The following HERC1 variants were observed in gnomAD, a reference collection of about 807,000 sequenced individuals.
The protein encoded by HERC1 is probable E3 ubiquitin-protein ligase HERC1.
In HERC1, 160 loss-of-function variants were observed where a neutral mutation model predicts 554.3. That is an observed-to-expected ratio of 0.29 (90% CI 0.25 to 0.33). The LOEUF (loss-of-function observed/expected upper bound fraction) is 0.33. Among genes scored for constraint, HERC1 ranks in the 10% least tolerant of loss-of-function variants. The probability of loss-of-function intolerance (pLI) is 1.00; values close to 1 mark genes in which losing one functional copy is unlikely to be tolerated. For synonymous variants in HERC1, 2,175 were observed against 2,131.7 expected, an observed-to-expected ratio of 1.02 and a Z score of -0.56; for missense variants, 4,919 against 5,918.5, an observed-to-expected ratio of 0.83 and a Z score of 5.54.
chr15:63,812,446 A>G (rs970839379), intron 1 of HERC1, among the ~76,000 whole-genome samples: 1 of 152,218 alleles, frequency 6.6e-6, no homozygotes, highest in Non-Finnish European at 1.5e-5. Context: ...CTTTGAATAC[A>G]TCTATTGCCT....
intron 1 of HERC1, among the ~76,000 whole-genome samples, chr15:63,776,968 A>G (rs918731623): frequency 7.2e-5 from 11 of 152,222 alleles, no homozygotes; most frequent in Admixed American, 2.0e-4. Context: ...TGCATCAGAA[A>G]TAAGATGCAT....
At chr15:63,701,897 G>A (rs1056357103) in intron 25 of HERC1, among the ~76,000 whole-genome samples, 1 of 151,832 alleles carries the variant, frequency 6.6e-6, no homozygotes, top group Non-Finnish European at 1.5e-5. Flanking sequence ...TATCTGAAAA[G>A]GGCATTAAAA....
intron 71 of HERC1, 40 bp downstream of exon 71, chr15:63,625,945 G>T: frequency 1.3e-6 from 2 of 1,579,244 alleles, no homozygotes; most frequent in Non-Finnish European, 1.7e-6. Flanking sequence ...TGCTTACCAA[G>T]CCAGTCTGTG....
intron 47 of HERC1, 61 bp downstream of exon 47, chr15:63,659,675 A>G (rs2070250776): frequency 4.4e-6 from 5 of 1,147,084 alleles, no homozygotes; most frequent in Admixed American, 1.8e-5. Context: ...TTATTTACCT[A>G]TCTAAGAAAC....
intron 38 of HERC1, among the ~76,000 whole-genome samples, chr15:63,673,613 G>C (rs1401377623): frequency 1.0e-5 from 1 of 96,146 alleles, no homozygotes; most frequent in Non-Finnish European, 2.3e-5. Flanking sequence ...CAAATGTGAG[G>C]ATACAAGATA....
At chr15:63,826,805 AAAAAAAAAAATATATAT>A (rs1255310696) in intron 1 of HERC1, among the ~76,000 whole-genome samples, 128 of 73,528 alleles carry the variant, frequency 1.7e-3, no homozygotes, top group Middle Eastern at 6.0e-3. Context: ...AAAAAAAAAA[AAAAAAAAAAATATATAT>A]ATATATATAT....
rs34323931 is a variant in HERC1, at chr15:63,776,037, CA to C, written c.-26-389del. 7.2e-3 allele frequency among the ~76,000 whole-genome samples: 942 copies of C among 131,108 alleles called. 4 individuals carry two copies. The highest frequency in any genetic ancestry group is 0.023 in the African/African-American group (812 of 34,814). The allele number at this position is 131,108 out of a possible 152,430, so 86.0% of individuals were successfully genotyped here. ...TGGGTGACAAAGCGAGACTCCGTCT[CA>C]AAAAAAAAAAAAAAAGTTTATGTTA... On this transcript the variant is annotated intron_variant, in intron 1 of 77. Coordinates refer to ENST00000443617, the MANE Select transcript of HERC1 (RefSeq NM_003922.4).
chr15:63,743,261 T>TGC (rs1331194045), intron 12 of HERC1, among the ~76,000 whole-genome samples: 5 of 98,580 alleles, frequency 5.1e-5, no homozygotes, highest in African/African-American at 1.8e-4. Context: ...TTTTTTCTTT[T>TGC]TCTTTTTTTT....
intron 69 of HERC1, 85 bp from the exon 70 acceptor site, chr15:63,628,900 A>G: frequency 1.5e-6 from 2 of 1,316,768 alleles, no homozygotes; most frequent in Non-Finnish European, 2.1e-6. Context: ...AGATGGTGGC[A>G]GACATAAATA....
rs572729063 is a variant in HERC1 at position 63,825,911 on chromosome 15, C to T, written c.-27+7916G>A. On this transcript the variant is annotated intron_variant, in intron 1 of 77. Transcript: ENST00000443617. The stretch of plus-strand genomic sequence containing the variant: ...CCGAGTAGCTGGGATTACAGGCACC[C>T]GCCACCATGCTCAGTTAATTTTTGT... Among the ~76,000 whole-genome samples, 389 of 151,876 alleles carry T rather than the reference C, an allele frequency of 2.6e-3. 1 individual carries two copies. The highest frequency in any genetic ancestry group is 3.8e-3 in the Admixed American group (58 of 15,242).
At chr15:63,659,097 A>T (rs189977000) in intron 47 of HERC1, among the ~76,000 whole-genome samples, 2 of 152,214 alleles carry the variant, frequency 1.3e-5, no homozygotes, top group Admixed American at 1.3e-4. Flanking sequence ...CTATACCAAA[A>T]ATTTACCACA....
At chr15:63,633,572 T>C (rs2068657769) in intron 67 of HERC1, among the ~76,000 whole-genome samples, 1 of 152,234 alleles carries the variant, frequency 6.6e-6, no homozygotes, top group South Asian at 2.1e-4. Context: ...TTCTAACTAT[T>C]TCTTCCCTAC....
At chr15:63,790,353 C>T (rs184049564) in intron 1 of HERC1, among the ~76,000 whole-genome samples, 2,021 of 152,130 alleles carry the variant, frequency 0.013, 23 homozygotes, top group East Asian at 0.023. Context: ...CCGAGGCGGG[C>T]GGATCACGAG....
At chr15:63,712,678 T>C in intron 24 of HERC1, 97 bp downstream of exon 24, 2 of 1,079,668 alleles carry the variant, frequency 1.9e-6, no homozygotes, top group African/African-American at 1.6e-5. Context: ...AATTTTTATA[T>C]GTCTAAAACA....
chr15:63,789,248 G>A (rs1025595619), intron 1 of HERC1, among the ~76,000 whole-genome samples: 9 of 148,668 alleles, frequency 6.1e-5, no homozygotes, highest in African/African-American at 1.5e-4. Flanking sequence ...CCGCCACTAC[G>A]CCCGGCTAAT....
chr15:63,674,563 C>T lies in HERC1; in HGVS notation c.7625G>A (p.Gly2542Asp). 6.2e-7 allele frequency: 1 copy of T among 1,612,228 alleles called. No homozygotes were observed. Among genetic ancestry groups the T allele is most frequent in the Non-Finnish European group, 8.5e-7 (1 of 1,179,022 alleles). Residue 2542 changes from glycine (G) to aspartate (D), a missense_variant, in exon 38 of 78, where the codon GGC (glycine) becomes GAC (aspartate). Gly to Asp is a moderately conservative substitution (Grantham distance 94). Coordinates refer to ENST00000443617, the MANE Select transcript of HERC1 (RefSeq NM_003922.4). ...LLIPKVLAEN[G>D]HNSDCASSPV... ...AGAACTTGCACAGTCTGAGTTGTGG[C>T]CATTTTCAGCCAGAACTTTTGGTAT...
In HERC1 at chr15:63,729,305, T is replaced by G; in HGVS notation, c.3085A>C (p.Ile1029Leu). 6.2e-7 allele frequency: 1 copy of G among 1,611,880 alleles called. No homozygotes were observed. Among genetic ancestry groups the G allele is most frequent in the Non-Finnish European group, 8.5e-7 (1 of 1,178,948 alleles). ...AGCAAATTTGCAGAACGTGAATAAA[T>G]ATCTGTGGCATGAGGCAACAAAAGC... ...LQLLLPHATD[I>L]YSRSANLLKE... is the part of the protein sequence containing the mutation. Residue 1029 changes from isoleucine to leucine, a missense_variant, in exon 16 of 78, where the codon ATT (isoleucine) becomes CTT (leucine). Ile to Leu is a conservative substitution (Grantham distance 5). Around this residue, in one of 11 missense-constraint regions of HERC1, gnomAD observed 1,121 missense variants for 1,244.0 expected, o/e 0.90. Transcript: ENST00000443617.
chr15:63,659,954 A>G lies in HERC1; in HGVS notation c.9224-18T>C, dbSNP rs759779800. 159 of 1,536,102 alleles carry G rather than the reference A, an allele frequency of 1.0e-4. No individual in the cohort carries two copies. Among genetic ancestry groups the G allele is most frequent in the Middle Eastern group, 1.7e-4 (1 of 5,924 alleles). On this transcript the variant is annotated intron_variant, in intron 46 of 77. Transcript: ENST00000443617. ...CCAGTCTTCTGGAATTTAAATAAAT[A>G]AATGTATAGTATGTGAATTTAAATA... is the stretch of plus-strand genomic sequence containing the variant.
chr15:63,663,541 G>A (rs1280363978), intron 43 of HERC1, among the ~76,000 whole-genome samples: 1 of 152,180 alleles, frequency 6.6e-6, no homozygotes, highest in African/African-American at 2.4e-5. Context: ...CTGTAACCCT[G>A]AACCCCTGGG....
Sources: allele counts gnomAD v4.1 joint callset (sites outside exome capture counted in the v4.1 genomes callset), GRCh38; gene constraint gnomAD v4.1.1; regional missense constraint gnomAD v4.1.1; transcripts MANE v1.5; gene names NCBI Gene and HGNC (gene_info 2026-07-23, HGNC 2026-07-21).